TLL1: variants seen among roughly 807,000 people sequenced by gnomAD.
The protein encoded by TLL1 is tolloid-like protein 1.
A neutral mutation model predicts 128.2 loss-of-function variants in TLL1; 49 were observed. The observed-to-expected ratio is 0.38, with a 90% confidence interval of 0.30 to 0.48. TLL1 has a LOEUF of 0.48. Ranked by LOEUF, TLL1 falls within the 20% of genes least tolerant of loss-of-function variation. The probability of loss-of-function intolerance (pLI) is 0.96; values close to 1 mark genes in which losing one functional copy is unlikely to be tolerated. For missense variants in TLL1, 1,123 were observed against 1,242.0 expected, an observed-to-expected ratio of 0.90 and a Z score of 1.44; for synonymous variants, 454 against 418.8, an observed-to-expected ratio of 1.08 and a Z score of -1.03.
intron 10 of TLL1, among the ~76,000 whole-genome samples, chr4:166,040,807 T>A (rs1739202955): frequency 6.6e-6 from 1 of 152,242 alleles, no homozygotes; most frequent in African/African-American, 2.4e-5. Flanking sequence ...GGACAATATG[T>A]CTTCACCTGT....
intron 9 of TLL1, among the ~76,000 whole-genome samples, chr4:166,029,821 A>G (rs1430597717): frequency 4.6e-5 from 7 of 152,198 alleles, no homozygotes; most frequent in Non-Finnish European, 7.4e-5. Flanking sequence ...TCCATGTGAC[A>G]TGATTTATTT....
intron 8 of TLL1, among the ~76,000 whole-genome samples, chr4:166,024,186 T>C (rs1738381938): frequency 6.6e-6 from 1 of 152,248 alleles, no homozygotes; most frequent in African/African-American, 2.4e-5. Context: ...TTCAAATATA[T>C]TGTGTTGTAC....
chr4:165,912,948 T>C (rs1448460034), intron 1 of TLL1, among the ~76,000 whole-genome samples: 1 of 152,048 alleles, frequency 6.6e-6, no homozygotes, highest in Non-Finnish European at 1.5e-5. Flanking sequence ...TCTTCTTTAA[T>C]CAAATATAAA....
chr4:166,091,058 G>T (rs2111157914), intron 18 of TLL1, 70 bp from the exon 19 acceptor site: 1 of 1,336,916 alleles, frequency 7.5e-7, no homozygotes. Flanking sequence ...ATGTATTTCT[G>T]TCCCAAAAAT....
Position 166,055,202 on chromosome 4 carries a change from A to G in TLL1, c.1651A>G (p.Thr551Ala). 6.2e-7 allele frequency: 1 copy of G among 1,613,722 alleles called. No individual in the cohort carries two copies. Among genetic ancestry groups the G allele is most frequent in the African/African-American group, 1.3e-5 (1 of 75,010 alleles). Reference sequence around the variant, plus strand: ...TGAAGACATAAGATCTACCTCCAATACTTTGTGGATGAAGTTTGTTTCTGA... The same window carrying G: ...TGAAGACATAAGATCTACCTCCAATGCTTTGTGGATGAAGTTTGTTTCTGA... ...KPEDIRSTSN[T>A]LWMKFVSDGT... The change falls in exon 13 of 21, where the codon ACT (threonine) becomes GCT (alanine). Residue 551 changes from threonine (T) to alanine (A), a missense_variant. Thr to Ala is a moderately conservative substitution (Grantham distance 58). Coordinates refer to ENST00000061240, the MANE Select transcript of TLL1 (RefSeq NM_012464.5).
intron 1 of TLL1, among the ~76,000 whole-genome samples, chr4:165,883,985 T>C (rs1731071856): frequency 6.6e-6 from 1 of 152,242 alleles, no homozygotes; most frequent in Non-Finnish European, 1.5e-5. Context: ...GTTCAGATTT[T>C]GTTTGCCATC....
At position 165,931,740 on chromosome 4, in the gene TLL1, G is replaced by A. The variant is rs140165979; in HGVS notation, c.170-57641G>A. Among the ~76,000 whole-genome samples, 367 of 125,394 alleles carry A rather than the reference G, an allele frequency of 2.9e-3. 6 individuals are homozygous for A. The highest frequency in any genetic ancestry group is 0.01 in the African/African-American group (351 of 34,478). The allele number at this position is 125,394 out of a possible 152,430, so 82.3% of individuals were successfully genotyped here. A position where few individuals can be genotyped will look rare whatever the true frequency, so the allele number is the denominator to read the frequency against. On this transcript the variant is annotated intron_variant, in intron 1 of 20. Transcript: ENST00000061240. Reference sequence around the variant, plus strand: ...TCTCAAAAGAAAAAAAAAAGAAATTGCAATGATTAACTTCAGATACTGCAC... The same window carrying A: ...TCTCAAAAGAAAAAAAAAAGAAATTACAATGATTAACTTCAGATACTGCAC...
intron 1 of TLL1, chr4:165,919,879 C>T (rs758179916): frequency 7.7e-5 from 35 of 454,364 alleles, no homozygotes; most frequent in Non-Finnish European, 1.3e-4. Flanking sequence ...CTGGGCTGCC[C>T]GAGCCCTTGA....
chr4:165,943,157 A>T (rs1306717372), intron 1 of TLL1, among the ~76,000 whole-genome samples: 1 of 152,068 alleles, frequency 6.6e-6, no homozygotes, highest in East Asian at 1.9e-4. Flanking sequence ...TTGCTAGCTC[A>T]TTCAAATAGA....
intron 12 of TLL1, among the ~76,000 whole-genome samples, chr4:166,046,189 A>T (rs1375318563): frequency 6.6e-6 from 1 of 152,222 alleles, no homozygotes; most frequent in Admixed American, 6.5e-5. Context: ...ATTATATGTA[A>T]GTCAATGTAT....
At chr4:166,019,920 C>A (rs1347774396) in intron 8 of TLL1, among the ~76,000 whole-genome samples, 1 of 152,046 alleles carries the variant, frequency 6.6e-6, no homozygotes, top group African/African-American at 2.4e-5. Flanking sequence ...TCAGTGCATA[C>A]TCATCATGAA....
intron 1 of TLL1, among the ~76,000 whole-genome samples, chr4:165,988,505 T>C (rs921439854): frequency 1.3e-5 from 2 of 152,050 alleles, no homozygotes; most frequent in Non-Finnish European, 2.9e-5. Flanking sequence ...GGAGTGTGTC[T>C]GTAGTCGCAG....
At chr4:166,062,094 A>G (rs1376597739) in intron 15 of TLL1, among the ~76,000 whole-genome samples, 1 of 152,174 alleles carries the variant, frequency 6.6e-6, no homozygotes, top group African/African-American at 2.4e-5. Context: ...TGTTGGTACC[A>G]GTACCATGCT....
Position 165,873,778 on chromosome 4 carries a change from C to G in TLL1, c.-127C>G, listed in dbSNP as rs369194975. On this transcript the variant is annotated 5_prime_UTR_variant, in exon 1 of 21. Coordinates refer to ENST00000061240, the MANE Select transcript of TLL1 (RefSeq NM_012464.5). ...CACATGTTTCCGGACACCTGAGCACCCCGGTCCCGCCGAGGAGCCTCCGGG... is the reference window on the plus strand; with the variant it reads ...CACATGTTTCCGGACACCTGAGCACGCCGGTCCCGCCGAGGAGCCTCCGGG... 19,193 of 1,054,640 alleles carry G rather than the reference C, an allele frequency of 0.018. 256 individuals carry two copies. Among genetic ancestry groups the G allele is most frequent in the Middle Eastern group, 0.058 (187 of 3,218 alleles). 65.3% of individuals were successfully genotyped at this position (1,054,640 alleles called of 1,614,324 possible). A position where few individuals can be genotyped will look rare whatever the true frequency, so the allele number is the denominator to read the frequency against.
chr4:165,896,994 AT>A (rs1158248324), intron 1 of TLL1, among the ~76,000 whole-genome samples: 1 of 152,154 alleles, frequency 6.6e-6, no homozygotes, highest in Non-Finnish European at 1.5e-5. Flanking sequence ...CATCTCTCTA[AT>A]GACCAGTGAT....
At chr4:166,028,751 G>A (rs1338032045) in intron 9 of TLL1, among the ~76,000 whole-genome samples, 3 of 151,884 alleles carry the variant, frequency 2.0e-5, no homozygotes, top group Non-Finnish European at 2.9e-5. Flanking sequence ...GATGGTTTGG[G>A]TTAAAACTCT....
At chr4:165,955,528 A>G (rs564206339) in intron 1 of TLL1, among the ~76,000 whole-genome samples, 8 of 152,210 alleles carry the variant, frequency 5.3e-5, no homozygotes, top group African/African-American at 1.7e-4. Context: ...AAAAATTATT[A>G]AAGGAAGCTA....
chr4:166,001,673 A>C (rs57682953), intron 5 of TLL1, among the ~76,000 whole-genome samples: 2,043 of 151,820 alleles, frequency 0.013, 42 homozygotes, highest in African/African-American at 0.047. Flanking sequence ...GTGGCAGGTG[A>C]ATGTAATCCC....
chr4:166,090,768 G>A (rs1339767235), intron 18 of TLL1, among the ~76,000 whole-genome samples: 2 of 151,948 alleles, frequency 1.3e-5, no homozygotes, highest in East Asian at 3.9e-4. Flanking sequence ...AAACCCAGAA[G>A]GACCCAATCT....
Sources: gnomAD v4.1 joint callset for allele counts (sites outside exome capture counted in the v4.1 genomes callset) on GRCh38, gnomAD v4.1.1 for gene constraint, MANE v1.5 for transcripts, NCBI Gene and HGNC (gene_info 2026-07-23, HGNC 2026-07-21) for gene names.